The following SRP54 variants were observed in gnomAD, a reference collection of about 807,000 sequenced individuals.
SRP54 encodes the protein signal recognition particle 54.
In SRP54, 10 loss-of-function variants were observed where a neutral mutation model predicts 64.8. The observed-to-expected ratio is 0.15, with a 90% CI of 0.10 to 0.26. The LOEUF is 0.26. SRP54 is among the 10% of genes least tolerant of loss of function. The pLI is 1.00. For missense variants in SRP54, 325 were observed against 613.7 expected, an observed-to-expected ratio of 0.53 and a Z score of 4.97; for synonymous variants, 193 against 185.6, an observed-to-expected ratio of 1.04 and a Z score of -0.32.
At chr14:34,985,882 C>A (rs2043887501) in intron 1 of SRP54, among the ~76,000 whole-genome samples, 2 of 152,176 alleles carry the variant, frequency 1.3e-5, no homozygotes. Flanking sequence ...ATCTAAATGT[C>A]ATTGAAATAA....
At chr14:34,996,648 A>T in intron 1 of SRP54, 29 bp from the exon 2 acceptor site, 1 of 1,114,244 alleles carries the variant, frequency 9.0e-7, no homozygotes, top group Non-Finnish European at 1.4e-6. Flanking sequence ...GAAATTGATT[A>T]TTCTCACTTA....
chr14:34,995,159 G>GTGTGTA (rs1173815424), intron 1 of SRP54, among the ~76,000 whole-genome samples: 4 of 140,800 alleles, frequency 2.8e-5, no homozygotes, highest in African/African-American at 1.0e-4. Context: ...GTGTGTGTGT[G>GTGTGTA]TGTGTGTGTG....
intron 15 of SRP54, 69 bp downstream of exon 15, chr14:35,028,252 C>T: frequency 1.1e-6 from 1 of 931,542 alleles, no homozygotes. Context: ...AATGATAAGC[C>T]TTTTATTGTA....
At chr14:34,991,127 T>TTG (rs11405252) in intron 1 of SRP54, among the ~76,000 whole-genome samples, 17,700 of 123,526 alleles carry the variant, frequency 0.14, 1,464 homozygotes, top group East Asian at 0.33. Context: ...TTTTTTTTTT[T>TTG]TTGTTGTTGT....
intron 4 of SRP54, among the ~76,000 whole-genome samples, chr14:35,005,647 T>C (rs965834802): frequency 3.9e-5 from 6 of 152,082 alleles, no homozygotes; most frequent in Non-Finnish European, 7.4e-5. Flanking sequence ...CCTCCTCCTT[T>C]GTCCCCCCGC....
intron 1 of SRP54, among the ~76,000 whole-genome samples, chr14:34,993,651 G>A (rs1490248606): frequency 2.0e-5 from 3 of 152,000 alleles, no homozygotes; most frequent in African/African-American, 7.2e-5. Context: ...TATGGTGAAT[G>A]AGTCAGCTAT....
In SRP54 at chr14:34,990,412, T is replaced by C. The variant is rs758754258; in HGVS notation, c.-33-6265T>C. 1.1e-3 allele frequency among the ~76,000 whole-genome samples: 168 copies of C among 151,964 alleles called. 1 individual carries two copies. The highest frequency in any genetic ancestry group is 2.1e-3 in the Non-Finnish European group (142 of 67,930). ...AAAGGACTATGGGAAGTCATTTTGC[T>C]TTTTTTTGGCAGGGAACGGCTGTTC... On this transcript the variant is annotated intron_variant, in intron 1 of 15. Coordinates refer to ENST00000216774, the MANE Select transcript of SRP54 (RefSeq NM_003136.4).
chr14:34,986,043 C>A (rs1470676437), intron 1 of SRP54, among the ~76,000 whole-genome samples: 2 of 151,826 alleles, frequency 1.3e-5, no homozygotes, highest in African/African-American at 4.8e-5. Context: ...TGTAAAGATT[C>A]TTTTTATGGT....
chr14:34,991,072 C>T (rs1391264336), intron 1 of SRP54, among the ~76,000 whole-genome samples: 1 of 148,672 alleles, frequency 6.7e-6, no homozygotes, highest in African/African-American at 2.5e-5. Context: ...GCAAAAGAGG[C>T]AAAAATCCCT....
intron 1 of SRP54, among the ~76,000 whole-genome samples, chr14:34,992,261 A>G (rs2043992729): frequency 6.6e-6 from 1 of 151,978 alleles, no homozygotes; most frequent in African/African-American, 2.4e-5. Context: ...TATTAAAACT[A>G]TATGTATTCA....
At position 35,029,405 on chromosome 14, in the gene SRP54, C is replaced by T; in HGVS notation, c.*253C>T. The T allele has an allele frequency of 6.0e-6, 2 of 334,044 alleles. No homozygotes were observed. Among genetic ancestry groups the T allele is most frequent in the Non-Finnish European group, 1.1e-5 (2 of 183,154 alleles). 20.7% of individuals were successfully genotyped at this position (334,044 alleles called of 1,614,324 possible). The stretch of plus-strand genomic sequence containing the variant: ...GCTTTAGATTTTCTTCTGTTTTCAC[C>T]ATCATAACACTTAAGTTAAATCATG... On this transcript the variant is annotated 3_prime_UTR_variant, in exon 16 of 16. Coordinates refer to ENST00000216774, the MANE Select transcript of SRP54 (RefSeq NM_003136.4).
At chr14:35,026,349 C>G (rs1242038319) in intron 14 of SRP54, among the ~76,000 whole-genome samples, 1 of 151,894 alleles carries the variant, frequency 6.6e-6, no homozygotes, top group Non-Finnish European at 1.5e-5. Context: ...AATCTGAGGC[C>G]CCCAAGTAGC....
intron 1 of SRP54, among the ~76,000 whole-genome samples, chr14:34,996,337 T>G (rs1482514811): frequency 6.6e-6 from 1 of 152,216 alleles, no homozygotes; most frequent in Non-Finnish European, 1.5e-5. Context: ...AATTTAAAAA[T>G]GTGCATGATA....
chr14:35,017,351 T>C (rs1462552941), intron 11 of SRP54, among the ~76,000 whole-genome samples: 2 of 152,330 alleles, frequency 1.3e-5, no homozygotes, highest in East Asian at 3.9e-4. Context: ...GTGACCTTTC[T>C]TGTTTTCCTT....
intron 7 of SRP54, among the ~76,000 whole-genome samples, chr14:35,011,045 G>T (rs1344932052): frequency 6.6e-6 from 1 of 152,014 alleles, no homozygotes; most frequent in Non-Finnish European, 1.5e-5. Flanking sequence ...TCCTGCCTCA[G>T]TCTCCCAAGT....
At chr14:35,009,576 A>G (rs17102962) in intron 7 of SRP54, among the ~76,000 whole-genome samples, 2 of 151,952 alleles carry the variant, frequency 1.3e-5, no homozygotes, top group Admixed American at 1.3e-4. Flanking sequence ...TAGGGATGAG[A>G]TTAAACTTTT....
At chr14:35,006,461 A>G (rs1566648956) in intron 4 of SRP54, among the ~76,000 whole-genome samples, 1 of 152,206 alleles carries the variant, frequency 6.6e-6, no homozygotes, top group Non-Finnish European at 1.5e-5. Context: ...TAAAATACAC[A>G]CCAGGTTTTC....
At chr14:35,027,813 G>C (rs2044657428) in intron 14 of SRP54, 1 of 206,878 alleles carries the variant, frequency 4.8e-6, no homozygotes, top group African/African-American at 2.3e-5. Context: ...CTTATTCACA[G>C]ATATAAATAA....
In SRP54 at chr14:35,029,231, T is replaced by C. The variant is rs532839850; in HGVS notation, c.*79T>C. The C allele has an allele frequency of 2.4e-4, 266 of 1,111,864 alleles. No homozygotes were observed. The highest frequency in any genetic ancestry group is 6.2e-4 in the Middle Eastern group (3 of 4,806). 68.9% of individuals were successfully genotyped at this position (1,111,864 alleles called of 1,614,324 possible). On this transcript the variant is annotated 3_prime_UTR_variant, in exon 16 of 16. Coordinates refer to ENST00000216774, the MANE Select transcript of SRP54 (RefSeq NM_003136.4). Reference sequence around the variant, plus strand: ...TCAGCGTTTCCCTTCTTTTTGCGAATTGGGGGGAAAGTGTATTTTTCTTGC... The same window carrying C: ...TCAGCGTTTCCCTTCTTTTTGCGAACTGGGGGGAAAGTGTATTTTTCTTGC...
Sources: allele counts gnomAD v4.1 joint callset (sites outside exome capture counted in the v4.1 genomes callset), GRCh38; gene constraint gnomAD v4.1.1; transcripts MANE v1.5; gene names NCBI Gene and HGNC (gene_info 2026-07-23, HGNC 2026-07-21).